The following RALGAPA2 variants were observed in gnomAD, a reference collection of about 807,000 sequenced individuals.
The protein encoded by RALGAPA2 is ral GTPase-activating protein subunit alpha-2.
RALGAPA2 carries 139 observed loss-of-function variants against 230.4 expected under a neutral mutation model. The ratio of observed to expected loss-of-function variants is 0.60; its 90% CI spans 0.53 to 0.69. The LOEUF (loss-of-function observed/expected upper bound fraction) is 0.69. Ranked by LOEUF, RALGAPA2 falls within the 30% of genes least tolerant of loss-of-function variation. RALGAPA2 has a pLI of 0.00. For synonymous variants in RALGAPA2, 847 were observed against 837.8 expected, an observed-to-expected ratio of 1.01 and a Z score of -0.19; for missense variants, 2,163 against 2,276.0, an observed-to-expected ratio of 0.95 and a Z score of 1.01.
rs372359396 is a variant in RALGAPA2, at chr20:20,584,968, A to G, written c.2440-13T>C. On this transcript the variant is annotated splice_polypyrimidine_tract_variant and intron_variant, in intron 18 of 39. Coordinates refer to ENST00000202677, the MANE Select transcript of RALGAPA2 (RefSeq NM_020343.4). ...TTCGAACTAAGATCTTCAGACAAAA[A>G]GAAATATTGCATTTACTACAGGAAA... The G allele has an allele frequency of 1.3e-4, 214 of 1,589,696 alleles. No individual in the cohort carries two copies. The highest frequency in any genetic ancestry group is 1.8e-4 in the Non-Finnish European group (211 of 1,162,652).
At chr20:20,553,847 A>G (rs1407416183) in intron 23 of RALGAPA2, among the ~76,000 whole-genome samples, 2 of 152,204 alleles carry the variant, frequency 1.3e-5, no homozygotes, top group African/African-American at 4.8e-5. Flanking sequence ...GCTGGCCTTT[A>G]AACAGATGAA....
In RALGAPA2 at chr20:20,571,311, C is replaced by T. The variant is rs1441636505; in HGVS notation, c.3156+147G>A. 2.6e-5 allele frequency: 24 copies of T among 912,454 alleles called. No homozygotes were observed. In the East Asian group the frequency reaches 6.3e-4, roughly 24 times the overall value. The allele number at this position is 912,454 out of a possible 1,614,324, so 56.5% of individuals were successfully genotyped here. A position where few individuals can be genotyped will look rare whatever the true frequency, so the allele number is the denominator to read the frequency against. On this transcript the variant is annotated intron_variant, in intron 23 of 39. Coordinates refer to ENST00000202677, the MANE Select transcript of RALGAPA2 (RefSeq NM_020343.4). ...AAACCTGATTTACATTTTTGAAAGA[C>T]CATTGTGCTTGCTGTGTGTAAAAGA...
rs189522837 is a variant in RALGAPA2 at position 20,437,253 on chromosome 20, G to C, written c.5496-25105C>G. 1.3e-5 allele frequency among the ~76,000 whole-genome samples: 2 copies of C among 152,262 alleles called. No homozygotes were observed. The highest frequency in any genetic ancestry group is 2.4e-5 in the African/African-American group (1 of 41,556). ...TCCTGAAGACCGCCTGGTCACTGAGGCACACATGACTCTGCACCCTCTGAC... is the reference window on the plus strand; with the variant it reads ...TCCTGAAGACCGCCTGGTCACTGAGCCACACATGACTCTGCACCCTCTGAC... On this transcript the variant is annotated intron_variant, in intron 37 of 39. Transcript: ENST00000202677. This position sits in a 1 kb window ranked among gnomAD's most constrained non-coding sequence, Gnocchi z 4.1.
intron 18 of RALGAPA2, among the ~76,000 whole-genome samples, chr20:20,587,114 C>T (rs1371199087): frequency 6.6e-6 from 1 of 151,968 alleles, no homozygotes; most frequent in Non-Finnish European, 1.5e-5. Context: ...CCAAAAGATT[C>T]CTGCACCTAA....
At chr20:20,542,412 T>G (rs994356116) in intron 24 of RALGAPA2, among the ~76,000 whole-genome samples, 2 of 152,162 alleles carry the variant, frequency 1.3e-5, no homozygotes, top group African/African-American at 4.8e-5. Context: ...AAGACTACTT[T>G]AAATTTCATA....
intron 4 of RALGAPA2, among the ~76,000 whole-genome samples, chr20:20,651,320 C>G (rs1169075612): frequency 1.3e-5 from 2 of 152,108 alleles, no homozygotes; most frequent in Admixed American, 1.3e-4. Context: ...CTGAAAAGAG[C>G]CTGTTTGACT....
In RALGAPA2 at chr20:20,605,231, G is replaced by A. The variant is rs762316292; in HGVS notation, c.1982C>T (p.Thr661Ile). The A allele has an allele frequency of 2.9e-5, 46 of 1,613,724 alleles. No individual in the cohort carries two copies. Among genetic ancestry groups the A allele is most frequent in the Non-Finnish European group, 3.5e-5 (41 of 1,179,830 alleles). The stretch of plus-strand genomic sequence containing the variant: ...ACTTAATTTATCCAGAGGTAGGTTT[G>A]TCATCTCAACTCCATAAACGGTTCT... ...LARTVYGVEM[T>I]NLPLDKLSEQ... Residue 661 changes from threonine (T) to isoleucine (I), a missense_variant, in exon 15 of 40, where the codon ACA (threonine) becomes ATA (isoleucine). By Grantham distance (89) the Thr-to-Ile change is moderately conservative (BLOSUM62 -1). Transcript: ENST00000202677.
At chr20:20,688,323 A>G (rs1249743958) in intron 1 of RALGAPA2, among the ~76,000 whole-genome samples, 1 of 152,176 alleles carries the variant, frequency 6.6e-6, no homozygotes, top group African/African-American at 2.4e-5. Flanking sequence ...AGAAAAAAAA[A>G]AAGTATCCTG....
At chr20:20,447,197 G>C (rs1198729272) in intron 37 of RALGAPA2, among the ~76,000 whole-genome samples, 1 of 152,156 alleles carries the variant, frequency 6.6e-6, no homozygotes, top group African/African-American at 2.4e-5. Flanking sequence ...TGTCTGACTT[G>C]GTGGCAGTAT....
At chr20:20,654,864 G>T (rs1288311993) in intron 3 of RALGAPA2, among the ~76,000 whole-genome samples, 2 of 152,072 alleles carry the variant, frequency 1.3e-5, no homozygotes, top group African/African-American at 4.8e-5. Context: ...CCCACCAACA[G>T]TATACCAGCA....
intron 3 of RALGAPA2, 85 bp from the exon 4 acceptor site, chr20:20,653,672 G>A: frequency 1.3e-6 from 1 of 753,768 alleles, no homozygotes; most frequent in East Asian, 2.8e-5. Context: ...CTGTAGGTAA[G>A]TTCTAGAAGA....
At chr20:20,532,632 T>C (rs1302680766) in intron 26 of RALGAPA2, among the ~76,000 whole-genome samples, 1 of 152,138 alleles carries the variant, frequency 6.6e-6, no homozygotes. Context: ...AAGTAGGCCG[T>C]TTAATATATA....
chr20:20,423,931 A>G (rs1228961413), intron 37 of RALGAPA2, among the ~76,000 whole-genome samples: 1 of 152,250 alleles, frequency 6.6e-6, no homozygotes, highest in Non-Finnish European at 1.5e-5. Flanking sequence ...AGAAAATACC[A>G]TATAACCAAG....
chr20:20,569,144 T>C (rs933980208), intron 23 of RALGAPA2, among the ~76,000 whole-genome samples: 2 of 152,332 alleles, frequency 1.3e-5, no homozygotes, highest in Non-Finnish European at 2.9e-5. Flanking sequence ...ACAACCACTA[T>C]GATCTATTTA....
rs139393600 is a variant in RALGAPA2 at position 20,399,484 on chromosome 20, G to A, written c.5618-2750C>T. ...TAAGAGTAGTTGAGTGAGACTCCTC[G>A]GGGACAGCCCTTAGCAGTTTAACTC... On this transcript the variant is annotated intron_variant, in intron 38 of 39. Coordinates refer to ENST00000202677, the MANE Select transcript of RALGAPA2 (RefSeq NM_020343.4). 4.6e-3 allele frequency among the ~76,000 whole-genome samples: 702 copies of A among 152,266 alleles called. 5 individuals are homozygous for A. The highest frequency in any genetic ancestry group is 7.1e-3 in the Non-Finnish European group (483 of 68,026).
intron 34 of RALGAPA2, among the ~76,000 whole-genome samples, chr20:20,504,225 C>A (rs1345982730): frequency 6.6e-6 from 1 of 152,116 alleles, no homozygotes; most frequent in African/African-American, 2.4e-5. Flanking sequence ...CAACTATATT[C>A]TATGACAAAT....
intron 7 of RALGAPA2, 62 bp downstream of exon 7, chr20:20,639,723 A>T: frequency 1.8e-6 from 2 of 1,139,236 alleles, no homozygotes; most frequent in Non-Finnish European, 2.6e-6. Flanking sequence ...GAAAAGAGGC[A>T]ATATTTCCTC....
chr20:20,436,788 G>C (rs767269027), intron 37 of RALGAPA2, among the ~76,000 whole-genome samples: 32 of 152,260 alleles, frequency 2.1e-4, no homozygotes, highest in Non-Finnish European at 3.5e-4. Flanking sequence ...TCAAGCCCCA[G>C]GCTCCTGGAA....
chr20:20,485,180 T>G (rs892002192), intron 36 of RALGAPA2, among the ~76,000 whole-genome samples: 3 of 152,132 alleles, frequency 2.0e-5, no homozygotes, highest in Non-Finnish European at 4.4e-5. Flanking sequence ...CCTGCTCTAG[T>G]TCATGATTTG....
Sources: gnomAD v4.1 joint callset for allele counts (sites outside exome capture counted in the v4.1 genomes callset) on GRCh38, gnomAD v4.1.1 for gene constraint, Gnocchi (gnomAD v3.1) non-coding constraint, MANE v1.5 for transcripts, NCBI Gene and HGNC (gene_info 2026-07-23, HGNC 2026-07-21) for gene names.